The following SPOCK1 variants were observed in gnomAD, a reference collection of about 807,000 sequenced individuals.
The protein encoded by SPOCK1 is testican-1.
SPOCK1 carries 23 observed loss-of-function variants against 55.3 expected under a neutral mutation model. That is an observed-to-expected ratio of 0.42 (90% CI 0.30 to 0.59). The LOEUF (loss-of-function observed/expected upper bound fraction) is 0.59. Ranked by LOEUF, SPOCK1 falls within the 20% of genes least tolerant of loss-of-function variation. The probability of loss-of-function intolerance (pLI) is 0.22; values close to 1 mark genes in which losing one functional copy is unlikely to be tolerated. For synonymous variants in SPOCK1, 226 were observed against 221.0 expected, an observed-to-expected ratio of 1.02 and a Z score of -0.20; for missense variants, 499 against 552.5, an observed-to-expected ratio of 0.90 and a Z score of 0.97.
chr5:136,992,360 G>T, intron 7 of SPOCK1, 124 bp downstream of exon 7: 2 of 766,974 alleles, frequency 2.6e-6, no homozygotes, highest in Non-Finnish European at 2.0e-6. Context: ...TTTTGAGATT[G>T]GGACATATTT....
intron 2 of SPOCK1, among the ~76,000 whole-genome samples, chr5:137,402,270 A>C (rs1206276417): frequency 6.6e-6 from 1 of 152,234 alleles, no homozygotes; most frequent in African/African-American, 2.4e-5. Flanking sequence ...TCAGGAAAAG[A>C]TACAACCATT....
intron 3 of SPOCK1, among the ~76,000 whole-genome samples, chr5:137,184,706 G>T (rs1020296501): frequency 2.0e-5 from 3 of 152,076 alleles, no homozygotes; most frequent in African/African-American, 4.8e-5. Context: ...ACAAGACAAC[G>T]GACTTCTTCA....
intron 2 of SPOCK1, among the ~76,000 whole-genome samples, chr5:137,371,367 T>C (rs1331831464): frequency 1.3e-5 from 2 of 152,218 alleles, no homozygotes; most frequent in African/African-American, 2.4e-5. Flanking sequence ...GCACTTAGCA[T>C]AGTGCTAGGC....
intron 2 of SPOCK1, among the ~76,000 whole-genome samples, chr5:137,339,605 A>G (rs1177621505): frequency 6.6e-6 from 1 of 152,148 alleles, no homozygotes; most frequent in Non-Finnish European, 1.5e-5. Flanking sequence ...AGTTCTTGGT[A>G]GTGTCTTAAA....
intron 6 of SPOCK1, among the ~76,000 whole-genome samples, chr5:137,055,720 C>G (rs898396791): frequency 2.0e-5 from 3 of 152,216 alleles, no homozygotes; most frequent in Admixed American, 1.3e-4. Flanking sequence ...CCTCTGTCAT[C>G]AAGGCAAAAA....
intron 6 of SPOCK1, among the ~76,000 whole-genome samples, chr5:137,014,311 C>T (rs901728244): frequency 2.6e-5 from 4 of 152,182 alleles, no homozygotes; most frequent in Non-Finnish European, 5.9e-5. Flanking sequence ...CCTGCAGAAT[C>T]GTGAGCCAAC....
chr5:137,409,765 G>T (rs954869498), intron 2 of SPOCK1, among the ~76,000 whole-genome samples: 1 of 152,140 alleles, frequency 6.6e-6, no homozygotes, highest in Non-Finnish European at 1.5e-5. Flanking sequence ...GTTTCTGTTA[G>T]GTTAGAAGGA....
intron 6 of SPOCK1, among the ~76,000 whole-genome samples, chr5:137,044,531 AAGATGG>A (rs1307156558): frequency 6.6e-6 from 1 of 152,206 alleles, no homozygotes; most frequent in Non-Finnish European, 1.5e-5. Context: ...TTTTGTATTT[AAGATGG>A]AGATCATAGT....
chr5:137,493,913 T>G (rs1754244209), intron 2 of SPOCK1, among the ~76,000 whole-genome samples: 1 of 152,152 alleles, frequency 6.6e-6, no homozygotes, highest in African/African-American at 2.4e-5. Flanking sequence ...GCAGATCAGA[T>G]GCTCGCTGCC....
chr5:137,431,203 C>T (rs1752736755), intron 2 of SPOCK1, among the ~76,000 whole-genome samples: 1 of 152,184 alleles, frequency 6.6e-6, no homozygotes, highest in Non-Finnish European at 1.5e-5. Flanking sequence ...GAAAAACAAA[C>T]TCCTCATTCT....
chr5:137,235,200 T>C (rs999793426), intron 3 of SPOCK1, among the ~76,000 whole-genome samples: 2 of 152,228 alleles, frequency 1.3e-5, no homozygotes, highest in African/African-American at 4.8e-5. Flanking sequence ...GAATGCTGAA[T>C]ACTGTCCTAA....
intron 3 of SPOCK1, among the ~76,000 whole-genome samples, chr5:137,150,943 C>A (rs1230798523): frequency 6.6e-6 from 1 of 152,142 alleles, no homozygotes; most frequent in African/African-American, 2.4e-5. Flanking sequence ...GTCTAAAAAT[C>A]AACTAAAGGA....
chr5:137,122,257 G>GCGCA (rs1554098652), intron 4 of SPOCK1, among the ~76,000 whole-genome samples: 2,006 of 145,962 alleles, frequency 0.014, 17 homozygotes, highest in Non-Finnish European at 0.023. Flanking sequence ...ACACACACAC[G>GCGCA]CACACACACA....
chr5:136,992,640 C>T, intron 6 of SPOCK1, 40 bp from the exon 7 acceptor site: 1 of 1,533,020 alleles, frequency 6.5e-7, no homozygotes, highest in Non-Finnish European at 8.9e-7. Context: ...GGGCTGGGGG[C>T]TTTCTGCCTT....
At chr5:137,067,902 G>T (rs1401144009) in intron 5 of SPOCK1, 73 bp from the exon 6 acceptor site, 7 of 1,255,504 alleles carry the variant, frequency 5.6e-6, no homozygotes, top group Non-Finnish European at 5.8e-6. Context: ...CTAAGAAACA[G>T]CAGTGCCCTT....
At chr5:137,138,528 C>CA (rs1554099620) in intron 4 of SPOCK1, among the ~76,000 whole-genome samples, 35 of 114,972 alleles carry the variant, frequency 3.0e-4, no homozygotes, top group Non-Finnish European at 4.5e-4. Flanking sequence ...CACACACACA[C>CA]CACACACACA....
chr5:136,996,268 C>T (rs913474881), intron 6 of SPOCK1, among the ~76,000 whole-genome samples: 2 of 152,196 alleles, frequency 1.3e-5, no homozygotes, highest in East Asian at 1.9e-4. Flanking sequence ...TATCCCCCTA[C>T]TATTCTGGTG....
At chr5:137,115,433 T>C (rs537670116) in intron 4 of SPOCK1, among the ~76,000 whole-genome samples, 4 of 152,184 alleles carry the variant, frequency 2.6e-5, no homozygotes, top group African/African-American at 9.6e-5. Flanking sequence ...CTGGGACTAT[T>C]TTCATCCCCT....
At chr5:137,053,691 T>G in intron 6 of SPOCK1, among the ~76,000 whole-genome samples, 1 of 151,832 alleles carries the variant, frequency 6.6e-6, no homozygotes. Context: ...AGGCTTGGCA[T>G]CTTGTGGCTA....
Sources: gnomAD v4.1 joint callset for allele counts (sites outside exome capture counted in the v4.1 genomes callset) on GRCh38, gnomAD v4.1.1 for gene constraint, MANE v1.5 for transcripts, NCBI Gene and HGNC (gene_info 2026-07-23, HGNC 2026-07-21) for gene names.